ROBO2: variants seen among roughly 807,000 people sequenced by gnomAD.
ROBO2 encodes roundabout homolog 2.
A neutral mutation model predicts 160.8 loss-of-function variants in ROBO2; 53 were observed. The observed-to-expected ratio is 0.33, with a 90% CI of 0.26 to 0.41. The LOEUF is 0.41. Ranked by LOEUF, ROBO2 falls within the 10% of genes least tolerant of loss-of-function variation. The pLI is 1.00. For missense variants in ROBO2, 1,577 were observed against 1,722.4 expected (o/e 0.92, Z 1.49); for synonymous variants, 664 against 611.7 (o/e 1.09, Z -1.26).
chr3:76,306,064 GTC>G (rs1404641129), intron 2 of ROBO2, among the ~76,000 whole-genome samples: 1 of 152,084 alleles, frequency 6.6e-6, no homozygotes, highest in Non-Finnish European at 1.5e-5. Context: ...GCCACAAAAT[GTC>G]TTCAGACACT....
intron 2 of ROBO2, among the ~76,000 whole-genome samples, chr3:77,121,325 C>A (rs549525612): frequency 1.3e-5 from 2 of 152,204 alleles, no homozygotes; most frequent in South Asian, 4.1e-4. Context: ...TCAGCATAAT[C>A]ATTTTAACTA....
At chr3:77,458,238 G>A (rs1477430373) in intron 2 of ROBO2, among the ~76,000 whole-genome samples, 2 of 152,172 alleles carry the variant, frequency 1.3e-5, no homozygotes, top group Non-Finnish European at 2.9e-5. Context: ...AACCTCCAGA[G>A]GGCAAAGAAT....
At chr3:76,746,125 T>A (rs1017792784) in intron 2 of ROBO2, among the ~76,000 whole-genome samples, 1 of 151,886 alleles carries the variant, frequency 6.6e-6, no homozygotes, top group African/African-American at 2.4e-5. Flanking sequence ...AGAATGATGA[T>A]TTCCAATTTC....
At position 76,546,789 on chromosome 3, in the gene ROBO2, GT is replaced by G. The variant is rs112806399; in HGVS notation, c.110-551215del. Among the ~76,000 whole-genome samples the G allele has an allele frequency of 3.2e-3, 472 of 148,940 alleles. 3 individuals carry two copies. Among genetic ancestry groups the G allele is most frequent in the African/African-American group, 0.011 (461 of 40,868 alleles). ...TCTACTACAAGGAAGTCTAACACGA[GT>G]TTTTTTTTTAAGTCTAACACTTGAT... On this transcript the variant is annotated intron_variant, in intron 2 of 26. Coordinates refer to the ROBO2 transcript ENST00000487694.
At position 77,568,397 on chromosome 3, in the gene ROBO2, T is replaced by C. The variant is rs13063688; in HGVS notation, c.1934T>C (p.Val645Ala). 2 of 1,612,980 alleles carry C rather than the reference T, an allele frequency of 1.2e-6. No homozygotes were observed. The highest frequency in any genetic ancestry group is 4.5e-5 in the East Asian group (2 of 44,818). The stretch of plus-strand genomic sequence containing the variant: ...GTCCTTGTCCGTCTTCATAATCCAG[T>C]TGTGCTGACTCCCACCACGGTTCAG... Residue 645 changes from valine (V) to alanine (A), a missense_variant, in exon 13 of 26, where the codon GTT (valine) becomes GCT (alanine). Coordinates refer to ENST00000461745, the Ensembl canonical transcript of ROBO2.
At chr3:76,614,659 A>G (rs1369934606) in intron 2 of ROBO2, among the ~76,000 whole-genome samples, 1 of 152,182 alleles carries the variant, frequency 6.6e-6, no homozygotes, top group East Asian at 1.9e-4. Context: ...TGTTTTATCA[A>G]CAATGGTTTA....
intron 2 of ROBO2, among the ~76,000 whole-genome samples, chr3:76,302,490 G>A (rs1464859725): frequency 1.3e-5 from 2 of 151,984 alleles, no homozygotes; most frequent in African/African-American, 2.4e-5. Flanking sequence ...GGGGAGAACC[G>A]CTAGCTGATT....
At chr3:77,476,146 C>T (rs894380092) in intron 2 of ROBO2, among the ~76,000 whole-genome samples, 2 of 152,114 alleles carry the variant, frequency 1.3e-5, no homozygotes, top group African/African-American at 4.8e-5. Flanking sequence ...CTCTCTGGAG[C>T]TCTTTTAAGG....
chr3:75,953,861 C>T (rs747826747), intron 2 of ROBO2, among the ~76,000 whole-genome samples: 12 of 151,856 alleles, frequency 7.9e-5, no homozygotes, highest in African/African-American at 2.2e-4. Context: ...TTTATCAAAT[C>T]ACCTTAGTTT....
intron 2 of ROBO2, among the ~76,000 whole-genome samples, chr3:76,605,436 G>A (rs2087572917): frequency 6.6e-6 from 1 of 151,972 alleles, no homozygotes; most frequent in African/African-American, 2.4e-5. Flanking sequence ...ATGAAATTGA[G>A]CTAGAAAACA....
chr3:76,210,388 T>G (rs1208538921), intron 2 of ROBO2, among the ~76,000 whole-genome samples: 1 of 152,088 alleles, frequency 6.6e-6, no homozygotes, highest in Non-Finnish European at 1.5e-5. Context: ...ACACACAGCA[T>G]TTTAAAATTA....
intron 2 of ROBO2, among the ~76,000 whole-genome samples, chr3:76,132,107 C>T (rs769732225): frequency 1.3e-5 from 2 of 152,000 alleles, no homozygotes; most frequent in African/African-American, 2.4e-5. Context: ...TGGTCATACT[C>T]GTGGCTAAGA....
chr3:76,298,552 A>T (rs1250248342), intron 2 of ROBO2, among the ~76,000 whole-genome samples: 1 of 152,218 alleles, frequency 6.6e-6, no homozygotes. Flanking sequence ...CACTTGTTCA[A>T]CAATTTGAAG....
chr3:76,919,642 CAA>C (rs1217597932), intron 2 of ROBO2, among the ~76,000 whole-genome samples: 1 of 152,042 alleles, frequency 6.6e-6, no homozygotes, highest in Non-Finnish European at 1.5e-5. Flanking sequence ...TAAGGAAAAA[CAA>C]TGTTAATATT....
chr3:77,011,639 A>T lies in ROBO2; in HGVS notation c.110-86375A>T, dbSNP rs146661672. ...TGTAACCCTCTGCAAAAGGCCTCAG[A>T]CCTATCAGATGAACATCTCTCTACA... On this transcript the variant is annotated intron_variant, in intron 2 of 26. Coordinates refer to the ROBO2 transcript ENST00000487694. Among the ~76,000 whole-genome samples the T allele has an allele frequency of 5.9e-5, 9 of 152,050 alleles. No homozygotes were observed. The East Asian group carries it at 1.8e-3, about 30-fold the overall frequency.
At chr3:77,646,072 T>A (rs542020543) in exon 26 of ROBO2, 1 of 1,589,694 alleles carries the variant, frequency 6.3e-7, no homozygotes. Flanking sequence ...AGAGGAGACA[T>A]ACAAAGCTGC....
At chr3:77,579,335 T>C (rs1331417236) in intron 15 of ROBO2, among the ~76,000 whole-genome samples, 3 of 152,130 alleles carry the variant, frequency 2.0e-5, no homozygotes, top group Admixed American at 6.6e-5. Context: ...TAGATATGTG[T>C]TGATCAATAT....
intron 2 of ROBO2, among the ~76,000 whole-genome samples, chr3:76,636,867 C>T (rs79345686): frequency 0.02 from 3,053 of 151,960 alleles, 97 homozygotes; most frequent in African/African-American, 0.069. Flanking sequence ...TAATATCTTC[C>T]GATGTCCCGT....
At chr3:77,025,747 G>A (rs2062924339) in intron 2 of ROBO2, among the ~76,000 whole-genome samples, 2 of 152,278 alleles carry the variant, frequency 1.3e-5, no homozygotes, top group South Asian at 2.1e-4. Context: ...AATTACACGT[G>A]CAAATCCCTG....
Sources: allele counts gnomAD v4.1 joint callset (sites outside exome capture counted in the v4.1 genomes callset), GRCh38; gene constraint gnomAD v4.1.1; transcripts MANE v1.5; gene names NCBI Gene and HGNC (gene_info 2026-07-23, HGNC 2026-07-21).